GABRG2: variants seen among roughly 807,000 people sequenced by gnomAD.
The protein encoded by GABRG2 is gamma-aminobutyric acid type A receptor subunit gamma2, also known as gamma-aminobutyric acid receptor subunit gamma-2.
In GABRG2, 16 loss-of-function variants were observed where a neutral mutation model predicts 56.4. That is an observed-to-expected ratio of 0.28 (90% CI 0.19 to 0.43). The LOEUF (loss-of-function observed/expected upper bound fraction) is 0.43, where lower values mean the gene tolerates loss of function less well. Among genes scored for constraint, GABRG2 ranks in the 20% least tolerant of loss-of-function variants. GABRG2 has a pLI of 1.00. For missense variants in GABRG2, 327 were observed against 582.7 expected, an observed-to-expected ratio of 0.56 and a Z score of 4.52; for synonymous variants, 208 against 205.5, an observed-to-expected ratio of 1.01 and a Z score of -0.10.
chr5:162,147,750 G>A (rs1765072876), intron 7 of GABRG2, among the ~76,000 whole-genome samples: 2 of 152,160 alleles, frequency 1.3e-5, no homozygotes, highest in South Asian at 2.1e-4. Flanking sequence ...AGCAGTAATA[G>A]TCAGAATTGC....
intron 1 of GABRG2, among the ~76,000 whole-genome samples, chr5:162,076,624 A>G (rs529119199): frequency 1.8e-4 from 27 of 152,176 alleles, no homozygotes; most frequent in African/African-American, 6.5e-4. Context: ...GACATTGTAA[A>G]ACATTATCCC....
intron 3 of GABRG2, among the ~76,000 whole-genome samples, 194 bp from the exon 4 acceptor site, chr5:162,097,444 A>G (rs1373554793): frequency 6.6e-6 from 1 of 152,142 alleles, no homozygotes; most frequent in East Asian, 1.9e-4. Context: ...TTTTTCATAA[A>G]AGTATCAAAC....
At chr5:162,090,890 A>G (rs1465483336) in intron 1 of GABRG2, among the ~76,000 whole-genome samples, 4 of 152,152 alleles carry the variant, frequency 2.6e-5, no homozygotes, top group Non-Finnish European at 4.4e-5. Context: ...CTACAGTTCC[A>G]TAGAATGTTT....
chr5:162,097,742 A>T lies in GABRG2; in HGVS notation c.432A>T (p.Lys144Asn). The change falls in exon 4 of 10, where the codon AAA becomes AAT. Residue 144 changes from lysine to asparagine, a missense_variant. Physicochemically the swap from Lys to Asn is moderately conservative, Grantham distance 94 (BLOSUM62 0). Coordinates refer to ENST00000639213, the MANE Select transcript of GABRG2 (RefSeq NM_198904.4). Reference protein sequence around the residue: ...VLRLNSNMVGKIWIPDTFFRN... With the variant: ...VLRLNSNMVGNIWIPDTFFRN... ...GATTGAACAGCAACATGGTGGGGAA[A>T]ATCTGGATTCCAGACACTTTCTTCA... is the stretch of plus-strand genomic sequence containing the variant. 6.2e-7 allele frequency: 1 copy of T among 1,613,854 alleles called. No homozygotes were observed. Among genetic ancestry groups the T allele is most frequent in the Admixed American group, 1.7e-5 (1 of 59,964 alleles).
chr5:162,067,547 A>G, upstream of GABRG2: 1 of 426,366 alleles, frequency 2.3e-6, no homozygotes, highest in Non-Finnish European at 4.1e-6. Flanking sequence ...TTTATTTTAA[A>G]TACACACACC....
chr5:162,102,629 C>T (rs1459748204), intron 5 of GABRG2: 3 of 453,598 alleles, frequency 6.6e-6, no homozygotes, highest in South Asian at 4.7e-5. Context: ...TTCTGGGGCT[C>T]AACTGATCCT....
chr5:162,105,808 A>AACAC (rs1268492336), intron 6 of GABRG2, among the ~76,000 whole-genome samples: 5 of 68,348 alleles, frequency 7.3e-5, no homozygotes, highest in African/African-American at 2.1e-4. Flanking sequence ...GGCGAAAGAA[A>AACAC]ACACATACAC....
intron 6 of GABRG2, among the ~76,000 whole-genome samples, chr5:162,139,647 A>G (rs771504963): frequency 6.6e-6 from 1 of 152,214 alleles, no homozygotes; most frequent in South Asian, 2.1e-4. Flanking sequence ...ATTAAAGTTC[A>G]CCTTTAAAAG....
intron 6 of GABRG2, 32 bp from the exon 7 acceptor site, chr5:162,142,132 G>C: frequency 6.2e-7 from 1 of 1,610,338 alleles, no homozygotes. Context: ...ATTGATAAAG[G>C]GTTGTATGGT....
chr5:162,153,192 G>A lies in GABRG2; in HGVS notation c.1252G>A (p.Asp418Asn). 2 of 1,614,086 alleles carry A rather than the reference G, an allele frequency of 1.2e-6. No individual in the cohort carries two copies. The highest frequency in any genetic ancestry group is 1.7e-6 in the Non-Finnish European group (2 of 1,179,988). Residue 418 changes from aspartate (D) to asparagine (N), a missense_variant, in exon 10 of 10, where the codon GAC becomes AAC. This residue lies in a region of GABRG2 where 108 missense variants were observed against 144.2 expected (regional missense o/e 0.75). Coordinates refer to ENST00000639213, the MANE Select transcript of GABRG2 (RefSeq NM_198904.4). Reference sequence around the variant, plus strand: ...TGAAGAGTACGGCTATGAGTGTCTGGACGGCAAGGACTGTGCCAGTTTTTT... The same window carrying A: ...TGAAGAGTACGGCTATGAGTGTCTGAACGGCAAGGACTGTGCCAGTTTTTT... Reference protein sequence around the residue: ...RDEEYGYECLDGKDCASFFCC... With the variant: ...RDEEYGYECLNGKDCASFFCC...
chr5:162,091,997 C>T (rs768326255), intron 1 of GABRG2, among the ~76,000 whole-genome samples: 4 of 152,096 alleles, frequency 2.6e-5, no homozygotes, highest in Admixed American at 6.6e-5. Context: ...TGGCATCTGA[C>T]GAACCTACCA....
At chr5:162,145,053 C>A (rs1439642997) in intron 7 of GABRG2, among the ~76,000 whole-genome samples, 6 of 152,150 alleles carry the variant, frequency 3.9e-5, no homozygotes, top group African/African-American at 7.2e-5. Context: ...TTACTTTTCT[C>A]AATGTTTACA....
intron 2 of GABRG2, chr5:162,094,273 A>G (rs1760836548): frequency 5.0e-6 from 2 of 399,536 alleles, no homozygotes; most frequent in African/African-American, 2.0e-5. Context: ...TGACCCCTTT[A>G]TGAAGCAACA....
At position 162,153,270 on chromosome 5, in the gene GABRG2, A is replaced by G; in HGVS notation, c.1330A>G (p.Ile444Val). 1 of 1,614,012 alleles carries G rather than the reference A, an allele frequency of 6.2e-7. No homozygotes were observed. Among genetic ancestry groups the G allele is most frequent in the East Asian group, 2.2e-5 (1 of 44,866 alleles). The part of the protein sequence containing the change: ...TGAWRHGRIH[I>V]RIAKMDSYAR... ...AGCTTGGAGACATGGGAGGATACAT[A>G]TCCGCATTGCCAAAATGGACTCCTA... The change falls in exon 10 of 10, where the codon ATC becomes GTC. Residue 444 changes from isoleucine to valine, a missense_variant. Around this residue, in one of 4 missense-constraint regions of GABRG2, gnomAD observed 108 missense variants for 144.2 expected, o/e 0.75. Coordinates refer to ENST00000639213, the MANE Select transcript of GABRG2 (RefSeq NM_198904.4).
At chr5:162,089,735 TC>T (rs1195227979) in intron 1 of GABRG2, among the ~76,000 whole-genome samples, 3 of 152,158 alleles carry the variant, frequency 2.0e-5, no homozygotes, top group Non-Finnish European at 4.4e-5. Flanking sequence ...ATGTCAAACA[TC>T]AATAGATTTA....
At position 162,109,389 on chromosome 5, in the gene GABRG2, A is replaced by ATATATATATAT. The variant is rs1554098562; in HGVS notation, c.769+5363_769+5364insTATATATATAT. 2.0e-3 allele frequency among the ~76,000 whole-genome samples: 229 copies of ATATATATATAT among 116,188 alleles called. 6 individuals carry two copies. Among genetic ancestry groups the ATATATATATAT allele is most frequent in the African/African-American group, 7.8e-3 (203 of 25,956 alleles). The allele number at this position is 116,188 out of a possible 152,430, so 76.2% of individuals were successfully genotyped here. A position where few individuals can be genotyped will look rare whatever the true frequency, so the allele number is the denominator to read the frequency against. On this transcript the variant is annotated intron_variant, in intron 6 of 9. Transcript: ENST00000639213. ...ACATGTACCCTAGAACTTAAAGTAT[A>ATATATATATAT]ATATATATATATATATATATATATA... is the stretch of plus-strand genomic sequence containing the variant.
intron 6 of GABRG2, among the ~76,000 whole-genome samples, chr5:162,114,933 G>T (rs1245813923): frequency 1.3e-5 from 2 of 151,228 alleles, no homozygotes; most frequent in Non-Finnish European, 3.0e-5. Context: ...GCCGTTTTTG[G>T]TTTGTTGCCG....
intron 6 of GABRG2, among the ~76,000 whole-genome samples, chr5:162,127,168 G>C (rs1763395030): frequency 6.6e-6 from 1 of 151,918 alleles, no homozygotes; most frequent in Non-Finnish European, 1.5e-5. Flanking sequence ...CATAACTCTT[G>C]TTAAGAATTT....
chr5:162,115,993 A>G (rs986093482), intron 6 of GABRG2, among the ~76,000 whole-genome samples: 1 of 151,992 alleles, frequency 6.6e-6, no homozygotes, highest in Admixed American at 6.6e-5. Context: ...AGAAAAGTTG[A>G]CAGAGAGGGT....
Sources: allele counts gnomAD v4.1 joint callset (sites outside exome capture counted in the v4.1 genomes callset), GRCh38; gene constraint gnomAD v4.1.1; regional missense constraint gnomAD v4.1.1; transcripts MANE v1.5; gene names NCBI Gene and HGNC (gene_info 2026-07-23, HGNC 2026-07-21).